ZSCAN25: variants seen among roughly 807,000 people sequenced by gnomAD.
The protein encoded by ZSCAN25 is zinc finger and SCAN domain containing 25, also known as zinc finger and SCAN domain-containing protein 25.
In ZSCAN25, 27 loss-of-function variants were observed where a neutral mutation model predicts 38.7. The observed-to-expected ratio is 0.70, with a 90% CI of 0.51 to 0.96. The LOEUF is 0.96. ZSCAN25 is among the 40% of genes least tolerant of loss of function. The pLI, the probability that ZSCAN25 is intolerant of heterozygous loss-of-function variation, is 0.00. For missense variants in ZSCAN25, 637 were observed against 705.9 expected (o/e 0.90, Z 1.11); for synonymous variants, 273 against 277.7 (o/e 0.98, Z 0.17).
At chr7:99,647,618 T>A in the ZSCAN25 span, 2 of 985,440 alleles carry the variant, frequency 2.0e-6, no homozygotes, top group Non-Finnish European at 2.4e-6. Context: ...CGTTGAGTGT[T>A]ACAAAAAATA....
intron 7 of ZSCAN25, among the ~76,000 whole-genome samples, chr7:99,627,997 A>G (rs1807643615): frequency 6.6e-6 from 1 of 151,984 alleles, no homozygotes; most frequent in Non-Finnish European, 1.5e-5. Context: ...CACACCTGTA[A>G]TCCCAGCACT....
the ZSCAN25 span, among the ~76,000 whole-genome samples, chr7:99,667,845 G>T: frequency 6.6e-6 from 1 of 152,140 alleles, no homozygotes; most frequent in Non-Finnish European, 1.5e-5. Flanking sequence ...CACATTTAAT[G>T]ATGAAGGACT....
the ZSCAN25 span, among the ~76,000 whole-genome samples, chr7:99,689,911 G>C: frequency 6.6e-6 from 1 of 152,164 alleles, no homozygotes; most frequent in Non-Finnish European, 1.5e-5. Context: ...TCCCCATAAA[G>C]CTACCAATGA....
At chr7:99,657,382 G>C in the ZSCAN25 span, among the ~76,000 whole-genome samples, 1 of 152,160 alleles carries the variant, frequency 6.6e-6, no homozygotes, top group Non-Finnish European at 1.5e-5. Flanking sequence ...TTTCCATGTA[G>C]TTGAGCGGTT....
the ZSCAN25 span, chr7:99,676,514 G>A: frequency 7.3e-7 from 1 of 1,378,468 alleles, no homozygotes; most frequent in East Asian, 4.1e-5. Context: ...ATTCTTCCAG[G>A]ACACTTCATT....
At chr7:99,718,366 A>T in the ZSCAN25 span, among the ~76,000 whole-genome samples, 1 of 152,204 alleles carries the variant, frequency 6.6e-6, no homozygotes, top group Non-Finnish European at 1.5e-5. Context: ...TATTCCATGG[A>T]TAGAAAAAAA....
the ZSCAN25 span, among the ~76,000 whole-genome samples, chr7:99,678,477 T>C: frequency 6.6e-6 from 1 of 152,198 alleles, no homozygotes; most frequent in Non-Finnish European, 1.5e-5. Flanking sequence ...TTAAAATAAA[T>C]GGCCGGACAG....
chr7:99,675,620 T>C, the ZSCAN25 span, among the ~76,000 whole-genome samples: 1 of 114,122 alleles, frequency 8.8e-6, no homozygotes, highest in Non-Finnish European at 1.8e-5. Flanking sequence ...CTCTCTCCTC[T>C]CCTTTTCTCT....
At chr7:99,698,635 G>A in the ZSCAN25 span, among the ~76,000 whole-genome samples, 243 of 151,770 alleles carry the variant, frequency 1.6e-3, no homozygotes, top group African/African-American at 5.5e-3. Context: ...TATGTATATC[G>A]CAGTCTTGTC....
chr7:99,733,152 G>A, the ZSCAN25 span, among the ~76,000 whole-genome samples: 3 of 152,316 alleles, frequency 2.0e-5, no homozygotes. Context: ...GGTGGCCTTG[G>A]GTTTTCCCAC....
chr7:99,709,007 G>C, the ZSCAN25 span: 1 of 1,613,370 alleles, frequency 6.2e-7, no homozygotes, highest in Non-Finnish European at 8.5e-7. Context: ...CTGGTTCAGG[G>C]AGGGCTCCCT....
chr7:99,715,981 T>C, the ZSCAN25 span: 9 of 1,610,814 alleles, frequency 5.6e-6, no homozygotes, highest in Non-Finnish European at 7.6e-6. Context: ...CAGCAGGAAA[T>C]CCACATGTCC....
chr7:99,684,936 G>A, the ZSCAN25 span: 1 of 415,022 alleles, frequency 2.4e-6, no homozygotes, highest in East Asian at 4.4e-5. Flanking sequence ...CACTGATTTG[G>A]TCACTTCCTT....
chr7:99,717,299 A>G, the ZSCAN25 span: 220 of 1,613,570 alleles, frequency 1.4e-4, no homozygotes, highest in Admixed American at 5.7e-4. Context: ...CCATAGTTAA[A>G]TGTGCAGACA....
At chr7:99,717,347 C>T in the ZSCAN25 span, 1 of 1,607,988 alleles carries the variant, frequency 6.2e-7, no homozygotes, top group South Asian at 1.1e-5. Context: ...TGGCATGGAA[C>T]AATAAGTGAC....
the ZSCAN25 span, among the ~76,000 whole-genome samples, chr7:99,638,941 C>A: frequency 6.6e-6 from 1 of 152,242 alleles, no homozygotes; most frequent in Non-Finnish European, 1.5e-5. Flanking sequence ...ACCGACCGCA[C>A]AACTTGATTC....
the ZSCAN25 span, among the ~76,000 whole-genome samples, chr7:99,716,615 C>T: frequency 6.6e-6 from 1 of 152,162 alleles, no homozygotes; most frequent in Admixed American, 6.5e-5. Flanking sequence ...ACCTGTTGTT[C>T]CTGCATAAGT....
the ZSCAN25 span, chr7:99,715,409 G>A: frequency 3.3e-6 from 1 of 307,182 alleles, no homozygotes; most frequent in South Asian, 3.4e-5. Context: ...AAATAATACA[G>A]ACTAAAGTAC....
At chr7:99,715,590 C>G in the ZSCAN25 span, 2 of 1,216,086 alleles carry the variant, frequency 1.6e-6, no homozygotes, top group Non-Finnish European at 2.3e-6. Flanking sequence ...TCTAGAATGA[C>G]AGAAGTGTTT....
Sources: gnomAD v4.1 joint callset for allele counts (sites outside exome capture counted in the v4.1 genomes callset) on GRCh38, gnomAD v4.1.1 for gene constraint, MANE v1.5 for transcripts, NCBI Gene and HGNC (gene_info 2026-07-23, HGNC 2026-07-21) for gene names.